KCNH2: variants seen among roughly 807,000 people sequenced by gnomAD.
The protein encoded by KCNH2 is potassium voltage-gated channel subfamily H member 2.
A neutral mutation model predicts 95.9 loss-of-function variants in KCNH2; 35 were observed. The ratio of observed to expected loss-of-function variants is 0.37; its 90% CI spans 0.28 to 0.48. KCNH2 has a LOEUF of 0.48. KCNH2 is among the 20% of genes least tolerant of loss of function. KCNH2 has a pLI of 0.99. For missense variants in KCNH2, 1,274 were observed against 1,702.9 expected (o/e 0.75, Z 4.43); for synonymous variants, 786 against 754.7 (o/e 1.04, Z -0.68).
intron 5 of KCNH2, 42 bp downstream of exon 5, chr7:150,957,249 C>T (rs1453615721): frequency 2.1e-5 from 31 of 1,504,520 alleles, no homozygotes; most frequent in African/African-American, 2.8e-5. Context: ...CCTCTCCAAG[C>T]TCCTCCAAGG....
Position 150,948,427 on chromosome 7 carries a change from C to T in KCNH2, c.2692+17G>A, listed in dbSNP as rs762976340. ...CCTTGTCCCCGCCCTCCCCCTTCCT[C>T]CCCTCCCCCGCCTCACCCTTGTCCG... is the stretch of plus-strand genomic sequence containing the variant. On this transcript the variant is annotated intron_variant, in intron 11 of 14. Coordinates refer to ENST00000262186, the MANE Select transcript of KCNH2 (RefSeq NM_000238.4). 2.7e-6 allele frequency: 3 copies of T among 1,110,752 alleles called. No individual in the cohort carries two copies. The highest frequency in any genetic ancestry group is 1.2e-5 in the South Asian group (1 of 80,934). 68.8% of individuals were successfully genotyped at this position (1,110,752 alleles called of 1,614,324 possible).
At chr7:150,966,382 C>T in intron 2 of KCNH2, among the ~76,000 whole-genome samples, 1 of 11,000 alleles carries the variant, frequency 9.1e-5, no homozygotes, top group Non-Finnish European at 1.6e-4. Context: ...TTTGCCCCCT[C>T]CCCCCCCCCC....
At chr7:150,959,843 C>A in intron 2 of KCNH2, 107 bp from the exon 3 acceptor site, 1 of 1,210,308 alleles carries the variant, frequency 8.3e-7, no homozygotes, top group Non-Finnish European at 1.2e-6. Context: ...ACTTCTGCCT[C>A]CCCGTATGGC....
intron 9 of KCNH2, chr7:150,949,406 GCATTTT>G: frequency 3.4e-5 from 18 of 523,378 alleles, no homozygotes; most frequent in Non-Finnish European, 4.2e-5. Context: ...ATCAAAACCA[GCATTTT>G]TTTTTTTTTT....
intron 2 of KCNH2, among the ~76,000 whole-genome samples, chr7:150,960,664 C>T (rs1257435665): frequency 6.6e-6 from 1 of 152,118 alleles, no homozygotes; most frequent in Non-Finnish European, 1.5e-5. Context: ...ACTGATCCTT[C>T]ACCAAAGAGT....
chr7:150,967,986 G>A (rs1475021140), intron 2 of KCNH2, among the ~76,000 whole-genome samples: 1 of 152,234 alleles, frequency 6.6e-6, no homozygotes, highest in Non-Finnish European at 1.5e-5. Context: ...GACATGAGCA[G>A]GCAATTCACG....
At chr7:150,948,014 G>T in intron 11 of KCNH2, 136 bp from the exon 12 acceptor site, 2 of 1,098,704 alleles carry the variant, frequency 1.8e-6, no homozygotes, top group Non-Finnish European at 2.5e-6. Context: ...CGCTTCTTCT[G>T]CTATCTTGCA....
At chr7:150,966,544 T>TGA (rs1801712086) in intron 2 of KCNH2, among the ~76,000 whole-genome samples, 1 of 152,080 alleles carries the variant, frequency 6.6e-6, no homozygotes, top group African/African-American at 2.4e-5. Context: ...TATTTGCAGA[T>TGA]GACGGGGTCA....
intron 5 of KCNH2, 93 bp downstream of exon 5, chr7:150,957,198 G>T: frequency 9.2e-7 from 1 of 1,081,514 alleles, no homozygotes; most frequent in Non-Finnish European, 1.4e-6. Context: ...TCACTGGCTA[G>T]CCCCCTCCAC....
chr7:150,950,176 GCCACGACGACGTC>G lies in KCNH2; in HGVS notation c.2377_2389del (p.Asp793ProfsTer13). On this transcript the variant is annotated frameshift_variant, in exon 9 of 15. Coordinates refer to ENST00000262186, the MANE Select transcript of KCNH2 (RefSeq NM_000238.4). LOFTEE classifies it high-confidence loss of function. ...CGCCCCCCACCCCATACCCAGGATG[GCCACGACGACGTC>G]GCCCCGCAGGATCTCGATGGAGCCC... The G allele has an allele frequency of 6.2e-7, 1 of 1,608,842 alleles. No homozygotes were observed. Among genetic ancestry groups the G allele is most frequent in the Non-Finnish European group, 8.5e-7 (1 of 1,178,348 alleles).
rs1064793368 is a variant in KCNH2 at position 150,949,032 on chromosome 7, CA to C, written c.2415del (p.Phe805LeufsTer5). The C allele has an allele frequency of 6.2e-7, 1 of 1,614,158 alleles. No individual in the cohort carries two copies. The highest frequency in any genetic ancestry group is 8.5e-7 in the Non-Finnish European group (1 of 1,180,008). On this transcript the variant is annotated frameshift_variant, in exon 10 of 15. Coordinates refer to ENST00000262186, the MANE Select transcript of KCNH2 (RefSeq NM_000238.4). LOFTEE classifies it high-confidence loss of function. Reference sequence around the variant, plus strand: ...CTTGCATACAGGTTCAGAGGCTCCCCAAAGATGTCATTCTTCCCTGGAGGCC... The same window carrying C: ...CTTGCATACAGGTTCAGAGGCTCCCCAAGATGTCATTCTTCCCTGGAGGCC... ...VVAILGKNDI[F>X]GEPLNLYARP...
chr7:150,949,456 T>C (rs1801050911), intron 9 of KCNH2: 1 of 765,622 alleles, frequency 1.3e-6, no homozygotes, highest in Non-Finnish European at 1.7e-6. Flanking sequence ...TACAGTAGTA[T>C]AGCTTAGCAC....
Position 150,957,453 on chromosome 7 carries a change from G to C in KCNH2, c.966C>G (p.Ser322=), listed in dbSNP as rs200290864. 6.2e-7 allele frequency: 1 copy of C among 1,614,158 alleles called. No individual in the cohort carries two copies. ...RSGLLNSTSD[S]DLVRYRTISK... Reference sequence around the variant, plus strand: ...TAATGGTGCGGTAGCGCACGAGGTCGGAGTCCGAGGTGGAGTTGAGCAAGC... The same window carrying C: ...TAATGGTGCGGTAGCGCACGAGGTCCGAGTCCGAGGTGGAGTTGAGCAAGC... The change falls in exon 5 of 15, where the codon TCC becomes TCG. Residue 322 remains serine, a synonymous_variant. Transcript: ENST00000262186.
chr7:150,957,926 G>T, intron 4 of KCNH2, 133 bp downstream of exon 4: 1 of 657,648 alleles, frequency 1.5e-6, no homozygotes, highest in Non-Finnish European at 2.3e-6. Context: ...TTAAATAAGT[G>T]CTTAATGGGA....
intron 2 of KCNH2, among the ~76,000 whole-genome samples, chr7:150,963,188 A>C (rs951319510): frequency 6.6e-6 from 1 of 152,218 alleles, no homozygotes; most frequent in Non-Finnish European, 1.5e-5. Flanking sequence ...GGCAGCCAGC[A>C]CTGGGCGCAC....
At chr7:150,970,564 G>A (rs1372451963) in intron 2 of KCNH2, among the ~76,000 whole-genome samples, 1 of 152,176 alleles carries the variant, frequency 6.6e-6, no homozygotes, top group East Asian at 1.9e-4. Flanking sequence ...CCGCAGCTCA[G>A]GAATGACCCC....
Position 150,962,812 on chromosome 7 carries a change from G to A in KCNH2, c.308-3076C>T, listed in dbSNP as rs750466283. ...ATCTAGCGATCATCAAGGGGATGTG[G>A]AAGGAAGGAAAGTAGGGGCCCCAGA... On this transcript the variant is annotated intron_variant, in intron 2 of 14. Coordinates refer to ENST00000262186, the MANE Select transcript of KCNH2 (RefSeq NM_000238.4). The surrounding 1 kb of genome is among the most constrained non-coding windows in gnomAD (Gnocchi z 5.7). 7.9e-5 allele frequency among the ~76,000 whole-genome samples: 12 copies of A among 152,148 alleles called. No homozygotes were observed. Among genetic ancestry groups the A allele is most frequent in the Non-Finnish European group, 1.5e-4 (10 of 68,016 alleles).
intron 1 of KCNH2, among the ~76,000 whole-genome samples, chr7:150,975,868 C>G (rs1643543257): frequency 6.6e-6 from 1 of 152,138 alleles, no homozygotes; most frequent in South Asian, 2.1e-4. Context: ...GACTTTGGCC[C>G]CACTTGTAGG....
chr7:150,970,832 G>A (rs1801822920), intron 2 of KCNH2, among the ~76,000 whole-genome samples: 1 of 152,204 alleles, frequency 6.6e-6, no homozygotes. Context: ...AAGTTCTCCT[G>A]TGTCTAAGCC....
Sources: gnomAD v4.1 joint callset for allele counts (sites outside exome capture counted in the v4.1 genomes callset) on GRCh38, gnomAD v4.1.1 for gene constraint, Gnocchi (gnomAD v3.1) non-coding constraint, MANE v1.5 for transcripts, NCBI Gene and HGNC (gene_info 2026-07-23, HGNC 2026-07-21) for gene names.